VPS13B: variants seen among roughly 807,000 people sequenced by gnomAD.
The protein encoded by VPS13B is intermembrane lipid transfer protein VPS13B.
Under a neutral mutation model 426.4 loss-of-function variants are expected in VPS13B, and 285 were observed. That is an observed-to-expected ratio of 0.67 (90% CI 0.61 to 0.74). The LOEUF is 0.74. VPS13B is among the 30% of genes least tolerant of loss of function. VPS13B has a pLI of 0.00. For synonymous variants in VPS13B, 1,676 were observed against 1,676.4 expected (o/e 1.00, Z 0.01); for missense variants, 4,537 against 4,782.6 (o/e 0.95, Z 1.51).
intron 41 of VPS13B, among the ~76,000 whole-genome samples, chr8:99,777,361 G>T (rs1195105332): frequency 1.3e-5 from 2 of 152,168 alleles, no homozygotes; most frequent in Non-Finnish European, 2.9e-5. Flanking sequence ...TCACAATCAT[G>T]GTGGAAGGCA....
chr8:99,145,802 A>G (rs1167946623), intron 13 of VPS13B, among the ~76,000 whole-genome samples: 1 of 152,356 alleles, frequency 6.6e-6, no homozygotes, highest in East Asian at 1.9e-4. Context: ...GTTTTTGTGT[A>G]AACATTTCTT....
chr8:99,032,714 G>A (rs1453807601), intron 2 of VPS13B, among the ~76,000 whole-genome samples: 1 of 129,390 alleles, frequency 7.7e-6, no homozygotes, highest in East Asian at 2.2e-4. Flanking sequence ...TTTTTTTTTT[G>A]TATTTTTAGT....
At chr8:99,256,121 G>C (rs567269047) in intron 17 of VPS13B, among the ~76,000 whole-genome samples, 1 of 152,090 alleles carries the variant, frequency 6.6e-6, no homozygotes, top group Non-Finnish European at 1.5e-5. Flanking sequence ...ACAGGTTGGG[G>C]AACTTTTTTC....
chr8:99,356,930 A>G (rs770329380), intron 19 of VPS13B, among the ~76,000 whole-genome samples: 1 of 152,036 alleles, frequency 6.6e-6, no homozygotes, highest in African/African-American at 2.4e-5. Context: ...TCCTTTATCT[A>G]TTTTGAAATC....
intron 17 of VPS13B, among the ~76,000 whole-genome samples, chr8:99,224,962 T>C (rs981664551): frequency 3.3e-5 from 5 of 152,228 alleles, no homozygotes; most frequent in African/African-American, 1.2e-4. Context: ...ATGTACATGT[T>C]GCCTCTCCAG....
At chr8:99,211,757 CAG>C (rs1815100523) in intron 17 of VPS13B, among the ~76,000 whole-genome samples, 2 of 152,002 alleles carry the variant, frequency 1.3e-5, no homozygotes, top group South Asian at 4.1e-4. Context: ...AGCCTGGCGA[CAG>C]AGAGAGAAAA....
rs552391752 is a variant in VPS13B, at chr8:99,131,303, A to G, written c.1207-3329A>G. Among the ~76,000 whole-genome samples the G allele has an allele frequency of 2.0e-5, 3 of 152,272 alleles. No individual in the cohort carries two copies. In the South Asian group the frequency reaches 6.2e-4, roughly 32 times the overall value. Reference sequence around the variant, plus strand: ...TTTTGAACATTAATTGAATTTCATGATATGTTTTTTCTGTACCGTGATTCA... The same window carrying G: ...TTTTGAACATTAATTGAATTTCATGGTATGTTTTTTCTGTACCGTGATTCA... On this transcript the variant is annotated intron_variant, in intron 8 of 61. Transcript: ENST00000357162.
At chr8:99,127,323 C>T (rs752281562) in intron 8 of VPS13B, among the ~76,000 whole-genome samples, 1 of 152,098 alleles carries the variant, frequency 6.6e-6, no homozygotes, top group African/African-American at 2.4e-5. Flanking sequence ...CTCCACTTTT[C>T]ACTTTTCCCT....
At chr8:99,311,994 C>A (rs1588237269) in intron 19 of VPS13B, among the ~76,000 whole-genome samples, 1 of 152,100 alleles carries the variant, frequency 6.6e-6, no homozygotes, top group Non-Finnish European at 1.5e-5. Context: ...AGGATTTCAA[C>A]CCCTGCCTTT....
At chr8:99,538,201 A>G (rs1823361614) in intron 30 of VPS13B, among the ~76,000 whole-genome samples, 1 of 152,228 alleles carries the variant, frequency 6.6e-6, no homozygotes, top group African/African-American at 2.4e-5. Context: ...AAGAATTGAC[A>G]AAATTGCTGT....
chr8:99,180,484 T>C (rs1482502271), intron 16 of VPS13B, among the ~76,000 whole-genome samples: 1 of 152,156 alleles, frequency 6.6e-6, no homozygotes, highest in Non-Finnish European at 1.5e-5. Context: ...AATACATGCA[T>C]TTCAGATAAT....
At chr8:99,808,967 A>C (rs1031933155) in intron 43 of VPS13B, among the ~76,000 whole-genome samples, 1 of 152,150 alleles carries the variant, frequency 6.6e-6, no homozygotes, top group African/African-American at 2.4e-5. Flanking sequence ...ATGATTAAAA[A>C]AAAAACCCAC....
intron 30 of VPS13B, among the ~76,000 whole-genome samples, chr8:99,529,082 C>A (rs909948066): frequency 2.6e-5 from 4 of 151,680 alleles, no homozygotes; most frequent in African/African-American, 9.7e-5. Context: ...TTTTAATAAA[C>A]CTATATAACT....
chr8:99,239,877 C>T (rs960092227), intron 17 of VPS13B, among the ~76,000 whole-genome samples: 1 of 152,254 alleles, frequency 6.6e-6, no homozygotes, highest in Admixed American at 6.5e-5. Context: ...CTCTTTCCTC[C>T]TCATTTACTT....
At chr8:99,385,601 AG>A (rs1358012022) in intron 20 of VPS13B, among the ~76,000 whole-genome samples, 2 of 152,206 alleles carry the variant, frequency 1.3e-5, no homozygotes, top group African/African-American at 4.8e-5. Flanking sequence ...TAAAAGTCAT[AG>A]GTGAGAATAT....
intron 17 of VPS13B, among the ~76,000 whole-genome samples, chr8:99,217,517 A>T (rs1006229622): frequency 6.6e-6 from 1 of 152,102 alleles, no homozygotes; most frequent in African/African-American, 2.4e-5. Context: ...TTCAGTAGAT[A>T]TTTTTTTATT....
At chr8:99,027,582 T>A (rs577515714) in intron 2 of VPS13B, among the ~76,000 whole-genome samples, 1 of 152,202 alleles carries the variant, frequency 6.6e-6, no homozygotes, top group African/African-American at 2.4e-5. Context: ...CTGGGAGATT[T>A]TAGTTTTCCT....
At position 99,848,445 on chromosome 8, in the gene VPS13B, T is replaced by C. The variant is rs547092632; in HGVS notation, c.9943-331T>C. 2.6e-4 allele frequency among the ~76,000 whole-genome samples: 39 copies of C among 152,296 alleles called. No homozygotes were observed. In the East Asian group the frequency reaches 7.2e-3, roughly 28 times the overall value. On this transcript the variant is annotated intron_variant, in intron 54 of 61. Transcript: ENST00000357162. ...AGTTTTTTTCCCACAAAGATCCATA[T>C]GCACACATATAGTGGGCCCCATGTC...
intron 35 of VPS13B, chr8:99,697,936 G>A: frequency 2.3e-6 from 1 of 429,954 alleles, no homozygotes; most frequent in Admixed American, 2.9e-5. Flanking sequence ...CCAGCCAGGT[G>A]GCCAAGATTG....
Sources: allele counts gnomAD v4.1 joint callset (sites outside exome capture counted in the v4.1 genomes callset), GRCh38; gene constraint gnomAD v4.1.1; transcripts MANE v1.5; gene names NCBI Gene and HGNC (gene_info 2026-07-23, HGNC 2026-07-21).